Variants in ELMO1 observed in about 807,000 individuals in gnomAD.
ELMO1 encodes engulfment and cell motility protein 1.
ELMO1 carries 26 observed loss-of-function variants against 98.9 expected under a neutral mutation model. That is an observed-to-expected ratio of 0.26 (90% CI 0.19 to 0.36). ELMO1 has a LOEUF of 0.36. Among genes scored for constraint, ELMO1 ranks in the 10% least tolerant of loss-of-function variants. ELMO1 has a pLI of 1.00. For missense variants in ELMO1, 627 were observed against 935.2 expected, an observed-to-expected ratio of 0.67 and a Z score of 4.30; for synonymous variants, 346 against 346.0, an observed-to-expected ratio of 1.00 and a Z score of 0.00.
chr7:37,253,196 A>G (rs960525796), intron 6 of ELMO1, among the ~76,000 whole-genome samples: 1 of 152,202 alleles, frequency 6.6e-6, no homozygotes, highest in African/African-American at 2.4e-5. Flanking sequence ...AGAATCAGAA[A>G]TAACATTTGA....
At chr7:36,944,314 A>T (rs1425321801) in intron 16 of ELMO1, among the ~76,000 whole-genome samples, 1 of 152,188 alleles carries the variant, frequency 6.6e-6, no homozygotes, top group South Asian at 2.1e-4. Flanking sequence ...GACAATCCTG[A>T]GAATCCAATT....
chr7:37,384,449 A>G (rs915465238), intron 1 of ELMO1, among the ~76,000 whole-genome samples: 3 of 152,172 alleles, frequency 2.0e-5, no homozygotes, highest in East Asian at 1.9e-4. Context: ...GGCCAGGCGC[A>G]GTGGCTCACG....
intron 1 of ELMO1, among the ~76,000 whole-genome samples, chr7:37,357,450 G>A (rs1801537059): frequency 6.6e-6 from 1 of 152,102 alleles, no homozygotes; most frequent in South Asian, 2.1e-4. Context: ...TTTTAGTGGA[G>A]ACTAAGACAT....
intron 13 of ELMO1, among the ~76,000 whole-genome samples, chr7:37,160,722 G>A (rs1041121498): frequency 6.6e-6 from 1 of 152,184 alleles, no homozygotes; most frequent in African/African-American, 2.4e-5. Flanking sequence ...GGAGTCCTGT[G>A]CCCACCAGTC....
intron 2 of ELMO1, among the ~76,000 whole-genome samples, chr7:37,327,330 A>T (rs1049298664): frequency 6.6e-6 from 1 of 152,258 alleles, no homozygotes; most frequent in Non-Finnish European, 1.5e-5. Context: ...ATTTATGTGC[A>T]TAGCTTAAAA....
intron 4 of ELMO1, among the ~76,000 whole-genome samples, chr7:37,292,800 G>GC (rs1160578241): frequency 9.6e-6 from 1 of 104,622 alleles, no homozygotes; most frequent in Non-Finnish European, 2.1e-5. Flanking sequence ...GGGGGGGTCA[G>GC]CCCCCCGCCC....
At chr7:36,877,259 T>C (rs1174873680) in intron 19 of ELMO1, among the ~76,000 whole-genome samples, 1 of 152,182 alleles carries the variant, frequency 6.6e-6, no homozygotes, top group Non-Finnish European at 1.5e-5. Flanking sequence ...TTTTTCTACT[T>C]GGGATATCCT....
intron 6 of ELMO1, among the ~76,000 whole-genome samples, chr7:37,247,525 C>T (rs1182970407): frequency 6.6e-6 from 1 of 152,140 alleles, no homozygotes; most frequent in Admixed American, 6.6e-5. Context: ...CAAGAATTAC[C>T]CAATTTGTAT....
At chr7:36,886,644 G>A (rs1426230876) in intron 18 of ELMO1, among the ~76,000 whole-genome samples, 1 of 152,162 alleles carries the variant, frequency 6.6e-6, no homozygotes, top group African/African-American at 2.4e-5. Context: ...TGCTCTGGCT[G>A]TTTGCTTCTA....
chr7:37,312,319 C>T (rs1798929782), intron 4 of ELMO1, among the ~76,000 whole-genome samples: 1 of 152,202 alleles, frequency 6.6e-6, no homozygotes, highest in African/African-American at 2.4e-5. Context: ...GAACTCCTGA[C>T]CTCAGGTGAC....
intron 1 of ELMO1, among the ~76,000 whole-genome samples, chr7:37,444,810 G>A (rs558323577): frequency 3.3e-5 from 5 of 152,290 alleles, no homozygotes; most frequent in South Asian, 2.1e-4. Flanking sequence ...CACCGCGCCC[G>A]GCCAATAGTA....
At chr7:37,205,752 CTG>C (rs1792578869) in intron 13 of ELMO1, among the ~76,000 whole-genome samples, 1 of 152,078 alleles carries the variant, frequency 6.6e-6, no homozygotes, top group South Asian at 2.1e-4. Flanking sequence ...TTTTTTGCCA[CTG>C]TGCATTTTCC....
intron 15 of ELMO1, among the ~76,000 whole-genome samples, chr7:37,031,570 C>T (rs1794884812): frequency 1.3e-5 from 2 of 152,158 alleles, no homozygotes; most frequent in African/African-American, 2.4e-5. Context: ...TACGCCCATT[C>T]TCTATAGGCT....
At chr7:36,938,461 A>G (rs1027540966) in intron 16 of ELMO1, among the ~76,000 whole-genome samples, 2 of 152,228 alleles carry the variant, frequency 1.3e-5, no homozygotes, top group African/African-American at 4.8e-5. Flanking sequence ...GAAATCACAG[A>G]TGATGTCTTT....
At position 37,152,444 on chromosome 7, in the gene ELMO1, C is replaced by CTT. The variant is rs11421529; in HGVS notation, c.1087-19212_1087-19211dup. On this transcript the variant is annotated intron_variant, in intron 13 of 21. Transcript: ENST00000310758. Reference sequence around the variant, plus strand: ...TCTGGCACCTTGAGCAATGTTGGGGCTTTTTTTTTTTTTTTTATGTTTTTC... The same window carrying CTT: ...TCTGGCACCTTGAGCAATGTTGGGGCTTTTTTTTTTTTTTTTTTATGTTTTTC... Among the ~76,000 whole-genome samples, 472 of 143,826 alleles carry CTT rather than the reference C, an allele frequency of 3.3e-3. 4 individuals carry two copies. Among genetic ancestry groups the CTT allele is most frequent in the African/African-American group, 0.011 (430 of 38,576 alleles). 94.4% of individuals were successfully genotyped at this position (143,826 alleles called of 152,430 possible). A position where few individuals can be genotyped will look rare whatever the true frequency, so the allele number is the denominator to read the frequency against.
chr7:37,425,874 G>C (rs1804676225), intron 1 of ELMO1, among the ~76,000 whole-genome samples: 1 of 152,196 alleles, frequency 6.6e-6, no homozygotes, highest in Non-Finnish European at 1.5e-5. Context: ...GTCCTAGGCA[G>C]AGTCCCCCAC....
intron 14 of ELMO1, among the ~76,000 whole-genome samples, chr7:37,127,874 C>T (rs1202087046): frequency 1.3e-5 from 2 of 151,966 alleles, no homozygotes; most frequent in East Asian, 1.9e-4. Context: ...CAGTAGTTCC[C>T]AGTGAATAAA....
intron 11 of ELMO1, 98 bp from the exon 12 acceptor site, chr7:37,213,555 G>A: frequency 8.5e-7 from 1 of 1,173,380 alleles, no homozygotes; most frequent in Non-Finnish European, 1.2e-6. Context: ...TTCACTGGGA[G>A]GTATAAGGAA....
chr7:36,870,209 AAG>A lies in ELMO1; in HGVS notation c.1905+182_1905+183del, dbSNP rs146323268. ...GGTGAGCATCAGAAAAGGGGTCAGAAAGAGAAAGAATAAGGGTAAGAGACGTA... is the reference window on the plus strand; with the variant it reads ...GGTGAGCATCAGAAAAGGGGTCAGAAAGAAAGAATAAGGGTAAGAGACGTA... On this transcript the variant is annotated intron_variant, in intron 20 of 21. Transcript: ENST00000310758. This position sits in a 1 kb window ranked among gnomAD's most constrained non-coding sequence, Gnocchi z 4.4. Among the ~76,000 whole-genome samples, 1,352 of 152,230 alleles carry A rather than the reference AAG, an allele frequency of 8.9e-3. 19 individuals are homozygous for A. The highest frequency in any genetic ancestry group is 0.03 in the African/African-American group (1,261 of 41,530).
Sources: gnomAD v4.1 joint callset for allele counts (sites outside exome capture counted in the v4.1 genomes callset) on GRCh38, gnomAD v4.1.1 for gene constraint, Gnocchi (gnomAD v3.1) non-coding constraint, MANE v1.5 for transcripts, NCBI Gene and HGNC (gene_info 2026-07-23, HGNC 2026-07-21) for gene names.